LRP1B: variants seen among roughly 807,000 people sequenced by gnomAD.
The protein encoded by LRP1B is LDL receptor related protein 1B.
A neutral mutation model predicts 556.6 loss-of-function variants in LRP1B; 217 were observed. The observed-to-expected ratio is 0.39, with a 90% CI of 0.35 to 0.44. The LOEUF (loss-of-function observed/expected upper bound fraction) is 0.44. LRP1B is among the 20% of genes least tolerant of loss of function. LRP1B has a pLI of 1.00. For synonymous variants in LRP1B, 2,047 were observed against 1,865.8 expected, an observed-to-expected ratio of 1.10 and a Z score of -2.50; for missense variants, 5,053 against 5,620.8, an observed-to-expected ratio of 0.90 and a Z score of 3.23.
chr2:141,867,798 C>T lies in LRP1B; in HGVS notation c.83-57397G>A, dbSNP rs193033492. On this transcript the variant is annotated intron_variant, in intron 1 of 90. Coordinates refer to ENST00000389484, the MANE Select transcript of LRP1B (RefSeq NM_018557.3). ...CGGTATATTGCCTCTATTTGTATTC[C>T]GGAATCTAACTTATATCCTATTGTA... 9.2e-5 allele frequency among the ~76,000 whole-genome samples: 14 copies of T among 152,132 alleles called. No individual in the cohort carries two copies. In the East Asian group the frequency reaches 2.5e-3, roughly 27 times the overall value.
chr2:141,086,350 C>T (rs1355869940), intron 7 of LRP1B, among the ~76,000 whole-genome samples: 32 of 152,238 alleles, frequency 2.1e-4, no homozygotes, highest in Non-Finnish European at 1.3e-4. Flanking sequence ...AAGAGCTTTT[C>T]CTTGTGATTT....
intron 9 of LRP1B, among the ~76,000 whole-genome samples, chr2:141,058,053 T>C (rs2105461000): frequency 6.6e-6 from 1 of 152,012 alleles, no homozygotes; most frequent in South Asian, 2.1e-4. Flanking sequence ...CTATTTTGTC[T>C]GTTTTATTCA....
intron 2 of LRP1B, among the ~76,000 whole-genome samples, chr2:141,595,474 G>C (rs1490089324): frequency 6.6e-6 from 1 of 152,048 alleles, no homozygotes; most frequent in Non-Finnish European, 1.5e-5. Flanking sequence ...CACCTCATCA[G>C]ATTTTTTATT....
intron 1 of LRP1B, among the ~76,000 whole-genome samples, chr2:142,129,457 C>A (rs1707769364): frequency 6.6e-6 from 1 of 152,190 alleles, no homozygotes; most frequent in East Asian, 1.9e-4. Context: ...TTCCCCTGTT[C>A]TTTCCTATAA....
At chr2:141,231,647 C>G (rs867520429) in intron 5 of LRP1B, among the ~76,000 whole-genome samples, 3 of 149,316 alleles carry the variant, frequency 2.0e-5, no homozygotes, top group African/African-American at 7.4e-5. Flanking sequence ...ACAACCTCCA[C>G]GTGGCAACCT....
intron 1 of LRP1B, among the ~76,000 whole-genome samples, chr2:142,052,430 C>A (rs1398346823): frequency 6.6e-6 from 1 of 152,062 alleles, no homozygotes; most frequent in Non-Finnish European, 1.5e-5. Context: ...CTCTTGACAA[C>A]CTGATGAGTC....
intron 2 of LRP1B, among the ~76,000 whole-genome samples, chr2:141,670,131 A>G (rs571888903): frequency 6.6e-6 from 1 of 152,270 alleles, no homozygotes; most frequent in African/African-American, 2.4e-5. Context: ...TAAATAACAG[A>G]CCTGTAGACT....
chr2:141,618,196 C>G (rs1297136477), intron 2 of LRP1B, among the ~76,000 whole-genome samples: 1 of 151,296 alleles, frequency 6.6e-6, no homozygotes, highest in Non-Finnish European at 1.5e-5. Context: ...TTTTTTTTTT[C>G]CTCGCTAGTA....
intron 18 of LRP1B, among the ~76,000 whole-genome samples, chr2:140,967,926 T>G (rs1353649857): frequency 1.3e-5 from 2 of 150,156 alleles, no homozygotes; most frequent in African/African-American, 4.9e-5. Context: ...TTTGATGTGC[T>G]GCTGGATTCA....
At chr2:140,789,757 A>T (rs1252908753) in intron 32 of LRP1B, among the ~76,000 whole-genome samples, 1 of 145,816 alleles carries the variant, frequency 6.9e-6, no homozygotes, top group Non-Finnish European at 1.5e-5. Flanking sequence ...CAGCCTCCCA[A>T]GTAGCTGGGA....
chr2:140,473,227 G>C (rs1238948742), intron 60 of LRP1B, among the ~76,000 whole-genome samples: 2 of 151,966 alleles, frequency 1.3e-5, no homozygotes, highest in Non-Finnish European at 2.9e-5. Context: ...GATATTGGCA[G>C]GTGCCTGATA....
At chr2:141,483,373 T>A (rs1231701952) in intron 2 of LRP1B, among the ~76,000 whole-genome samples, 1 of 146,020 alleles carries the variant, frequency 6.8e-6, no homozygotes, top group East Asian at 2.0e-4. Context: ...TGTTGGACAT[T>A]TAGGTTGGTT....
intron 15 of LRP1B, among the ~76,000 whole-genome samples, chr2:141,002,397 G>A (rs1697451420): frequency 6.6e-6 from 1 of 152,006 alleles, no homozygotes; most frequent in South Asian, 2.1e-4. Context: ...AGGCATATTT[G>A]GAGCTCAGCA....
rs116667062 is a variant in LRP1B, at chr2:140,839,650, G to A, written c.5209+341C>T. Among the ~76,000 whole-genome samples the A allele has an allele frequency of 3.2e-3, 494 of 152,282 alleles. 1 individual carries two copies. The highest frequency in any genetic ancestry group is 6.8e-3 in the Middle Eastern group (2 of 294). ...TTGGCTACAGACTGAAGACTGCGCT[G>A]TCGGCTTTCCTACTTTTGAGGTTTT... On this transcript the variant is annotated intron_variant, in intron 31 of 90. Transcript: ENST00000389484.
intron 3 of LRP1B, among the ~76,000 whole-genome samples, chr2:141,319,218 T>C (rs112541968): frequency 5.5e-4 from 84 of 152,034 alleles, no homozygotes; most frequent in African/African-American, 2.0e-3. Context: ...TTGTTTTTCA[T>C]GAACTTGTCC....
intron 1 of LRP1B, among the ~76,000 whole-genome samples, chr2:142,089,102 T>C (rs1706064699): frequency 6.6e-6 from 1 of 152,100 alleles, no homozygotes; most frequent in Non-Finnish European, 1.5e-5. Flanking sequence ...TGGAAATACA[T>C]TAATAAGCAA....
At chr2:140,328,497 G>GAAAAC (rs1680616594) in intron 79 of LRP1B, among the ~76,000 whole-genome samples, 1 of 150,860 alleles carries the variant, frequency 6.6e-6, no homozygotes, top group Non-Finnish European at 1.5e-5. Context: ...AGAAAATGAA[G>GAAAAC]AAAACAAAAT....
intron 43 of LRP1B, among the ~76,000 whole-genome samples, chr2:140,554,882 G>GTA (rs1220964024): frequency 8.9e-4 from 70 of 78,962 alleles, no homozygotes; most frequent in South Asian, 3.9e-3. Flanking sequence ...GTGTGTGTGT[G>GTA]TGTATATGTA....
intron 1 of LRP1B, among the ~76,000 whole-genome samples, chr2:141,896,361 CAAT>C (rs1699453504): frequency 6.6e-6 from 1 of 152,094 alleles, no homozygotes; most frequent in Non-Finnish European, 1.5e-5. Context: ...AACAAATCAA[CAAT>C]GACAACTAAA....
Sources: gnomAD v4.1 joint callset for allele counts (sites outside exome capture counted in the v4.1 genomes callset) on GRCh38, gnomAD v4.1.1 for gene constraint, MANE v1.5 for transcripts, NCBI Gene and HGNC (gene_info 2026-07-23, HGNC 2026-07-21) for gene names.